Variants in NCKAP5 observed in about 807,000 individuals in gnomAD.
The protein encoded by NCKAP5 is NCK associated protein 5.
A neutral mutation model predicts 167.0 loss-of-function variants in NCKAP5; 92 were observed. The observed-to-expected ratio is 0.55, with a 90% confidence interval of 0.47 to 0.66. NCKAP5 has a LOEUF of 0.66. NCKAP5 is among the 30% of genes least tolerant of loss of function. The pLI, the probability that NCKAP5 is intolerant of heterozygous loss-of-function variation, is 0.00. For synonymous variants in NCKAP5, 891 were observed against 877.4 expected, an observed-to-expected ratio of 1.02 and a Z score of -0.27; for missense variants, 2,378 against 2,315.0, an observed-to-expected ratio of 1.03 and a Z score of -0.56.
At position 132,782,313 on chromosome 2, in the gene NCKAP5, G is replaced by T. The variant is rs1421552379; in HGVS notation, c.4498C>A (p.Gln1500Lys). ...QTKPTSVEAK[Q>K]KPGPSFASWF... ...CTGGCAAAAGAAGGCCCAGGCTTCT[G>T]CTTTGCTTCCACAGAGGTGGGCTTT... Residue 1500 changes from glutamine to lysine, a missense_variant, in exon 14 of 20, where the codon CAG becomes AAG. Physicochemically the swap from Gln to Lys is moderately conservative, Grantham distance 53. Coordinates refer to ENST00000409261, the MANE Select transcript of NCKAP5 (RefSeq NM_207363.3). 6 of 1,613,912 alleles carry T rather than the reference G, an allele frequency of 3.7e-6. No individual in the cohort carries two copies. The African/African-American group carries it at 6.7e-5, about 18-fold the overall frequency.
intron 3 of NCKAP5, among the ~76,000 whole-genome samples, chr2:133,380,672 T>C (rs1052838859): frequency 6.6e-6 from 1 of 152,222 alleles, no homozygotes; most frequent in Non-Finnish European, 1.5e-5. Context: ...TTTGCTATTC[T>C]ATCTGTGCTG....
rs1228778859 is a variant in NCKAP5, at chr2:132,973,948, TA to T, written c.430-10080del. On this transcript the variant is annotated intron_variant, in intron 7 of 19. Coordinates refer to ENST00000409261, the MANE Select transcript of NCKAP5 (RefSeq NM_207363.3). ...CAAGTAGCTCTTGGTTGCAAGGCCT[TA>T]AAAAAATAAAGACAATTCACTCATC... Among the ~76,000 whole-genome samples the T allele has an allele frequency of 2.6e-5, 4 of 152,236 alleles. No homozygotes were observed. In the East Asian group the frequency reaches 7.7e-4, roughly 29 times the overall value.
chr2:132,941,586 C>T (rs1217198317), intron 8 of NCKAP5, among the ~76,000 whole-genome samples: 1 of 152,158 alleles, frequency 6.6e-6, no homozygotes, highest in Non-Finnish European at 1.5e-5. Flanking sequence ...ATAAGATAAA[C>T]CAGGGAGAAG....
chr2:133,216,581 T>G (rs1476818433), intron 4 of NCKAP5, among the ~76,000 whole-genome samples: 2 of 152,104 alleles, frequency 1.3e-5, no homozygotes, highest in Non-Finnish European at 2.9e-5. Flanking sequence ...TCTACTAGAC[T>G]CAGCTGTGAA....
chr2:133,671,539 G>C, the NCKAP5 span, among the ~76,000 whole-genome samples: 1 of 152,042 alleles, frequency 6.6e-6, no homozygotes, highest in East Asian at 1.9e-4. Context: ...AAGAGGAGGA[G>C]AGACTTGAGC....
rs190822306 is a variant in NCKAP5 at position 132,714,567 on chromosome 2, C to T, written c.5713+11060G>A. Reference sequence around the variant, plus strand: ...GCACAGTGGCTCATGCCTGTAATCCCAGCACTTTGGGAAGCCGAGGCTGGC... The same window carrying T: ...GCACAGTGGCTCATGCCTGTAATCCTAGCACTTTGGGAAGCCGAGGCTGGC... On this transcript the variant is annotated intron_variant, in intron 19 of 19. Coordinates refer to ENST00000409261, the MANE Select transcript of NCKAP5 (RefSeq NM_207363.3). Among the ~76,000 whole-genome samples the T allele has an allele frequency of 7.9e-5, 12 of 152,200 alleles. No homozygotes were observed. The East Asian group carries it at 1.9e-3, about 25-fold the overall frequency.
At chr2:132,790,774 G>C (rs1684004219) in intron 12 of NCKAP5, among the ~76,000 whole-genome samples, 1 of 152,150 alleles carries the variant, frequency 6.6e-6, no homozygotes, top group South Asian at 2.1e-4. Context: ...TTATCTTATA[G>C]GGTTATTGCA....
chr2:133,200,981 T>G (rs1283831871), intron 5 of NCKAP5, among the ~76,000 whole-genome samples: 1 of 152,198 alleles, frequency 6.6e-6, no homozygotes, highest in Non-Finnish European at 1.5e-5. Flanking sequence ...TTTCTTATAA[T>G]ACACATGTAC....
At chr2:133,012,050 C>G (rs2078178217) in intron 6 of NCKAP5, among the ~76,000 whole-genome samples, 1 of 152,094 alleles carries the variant, frequency 6.6e-6, no homozygotes, top group Non-Finnish European at 1.5e-5. Context: ...TATCAGATGG[C>G]AAGCAAGTAA....
chr2:132,842,385 T>C (rs1688353372), intron 11 of NCKAP5, among the ~76,000 whole-genome samples: 1 of 152,124 alleles, frequency 6.6e-6, no homozygotes, highest in Non-Finnish European at 1.5e-5. Flanking sequence ...TACATACATA[T>C]ATATACACAC....
chr2:132,935,278 C>T (rs1046666769), intron 8 of NCKAP5, among the ~76,000 whole-genome samples: 1 of 152,140 alleles, frequency 6.6e-6, no homozygotes, highest in South Asian at 2.1e-4. Flanking sequence ...AAGAGAAAAG[C>T]CAAGAAAACT....
intron 7 of NCKAP5, among the ~76,000 whole-genome samples, chr2:132,978,736 C>G (rs188466766): frequency 1.3e-5 from 2 of 152,140 alleles, no homozygotes; most frequent in Non-Finnish European, 2.9e-5. Context: ...CTTGGCTACA[C>G]GAATAAATGT....
At position 133,058,105 on chromosome 2, in the gene NCKAP5, T is replaced by C. The variant is rs771916392; in HGVS notation, c.342-63866A>G. On this transcript the variant is annotated intron_variant, in intron 6 of 19. Coordinates refer to ENST00000409261, the MANE Select transcript of NCKAP5 (RefSeq NM_207363.3). ...GGCTTAGTAAATGTTTTAAACCCAG[T>C]GTTGAGACCTACTGCTTAGAAAAAA... Among the ~76,000 whole-genome samples the C allele has an allele frequency of 2.0e-5, 3 of 152,096 alleles. No individual in the cohort carries two copies. In the East Asian group the frequency reaches 5.8e-4, roughly 29 times the overall value.
At chr2:133,402,564 G>A (rs759273124) in intron 3 of NCKAP5, among the ~76,000 whole-genome samples, 11 of 152,146 alleles carry the variant, frequency 7.2e-5, no homozygotes, top group Non-Finnish European at 1.3e-4. Context: ...CCTAGTGGGA[G>A]GTGTTCGTGG....
chr2:133,449,968 A>G (rs1040632407), intron 3 of NCKAP5, among the ~76,000 whole-genome samples: 7 of 151,896 alleles, frequency 4.6e-5, no homozygotes, highest in African/African-American at 2.4e-5. Context: ...CTCAACTCCC[A>G]CGGGACTCAC....
At chr2:133,540,017 A>G (rs1686092670) in intron 2 of NCKAP5, among the ~76,000 whole-genome samples, 1 of 152,048 alleles carries the variant, frequency 6.6e-6, no homozygotes, top group Non-Finnish European at 1.5e-5. Flanking sequence ...CATCTCTACT[A>G]AAAATACATA....
intron 8 of NCKAP5, among the ~76,000 whole-genome samples, chr2:132,951,145 A>G (rs755844741): frequency 6.6e-6 from 1 of 152,186 alleles, no homozygotes. Flanking sequence ...CACGTGTTAC[A>G]AGCTGTATCT....
At chr2:133,625,495 G>T in the NCKAP5 span, among the ~76,000 whole-genome samples, 1 of 152,202 alleles carries the variant, frequency 6.6e-6, no homozygotes, top group African/African-American at 2.4e-5. Flanking sequence ...GGGCCATCTT[G>T]TCATACAGAA....
the NCKAP5 span, among the ~76,000 whole-genome samples, chr2:133,656,184 C>T: frequency 0.03 from 4,607 of 152,182 alleles, 250 homozygotes; most frequent in African/African-American, 0.11. Context: ...AGTTCAGCTC[C>T]TGACTCTACC....
Sources: gnomAD v4.1 joint callset for allele counts (sites outside exome capture counted in the v4.1 genomes callset) on GRCh38, gnomAD v4.1.1 for gene constraint, MANE v1.5 for transcripts, NCBI Gene and HGNC (gene_info 2026-07-23, HGNC 2026-07-21) for gene names.